Variants in CHEK1 observed in about 807,000 individuals in gnomAD.
CHEK1 encodes the protein serine/threonine-protein kinase Chk1.
Under a neutral mutation model 60.2 loss-of-function variants are expected in CHEK1, and 32 were observed. That is an observed-to-expected ratio of 0.53 (90% CI 0.40 to 0.71). CHEK1 has a LOEUF of 0.71. CHEK1 is among the 30% of genes least tolerant of loss of function. The pLI, the probability that CHEK1 is intolerant of heterozygous loss-of-function variation, is 0.00. For synonymous variants in CHEK1, 179 were observed against 187.2 expected (o/e 0.96, Z 0.36); for missense variants, 399 against 564.6 (o/e 0.71, Z 2.97).
chr11:125,635,525 C>T lies in CHEK1; in HGVS notation c.710C>T (p.Ala237Val). The T allele has an allele frequency of 6.3e-7, 1 of 1,594,710 alleles. No individual in the cohort carries two copies. Among genetic ancestry groups the T allele is most frequent in the Non-Finnish European group, 8.6e-7 (1 of 1,168,592 alleles). ...YLNPWKKIDSAPLALLHKILV... is the reference protein window; with the variant it reads ...YLNPWKKIDSVPLALLHKILV... ...AACCCTTGGAAAAAAATCGATTCTG[C>T]TCCTCTAGGTAACTGAATTATCTTG... Residue 237 changes from alanine (A) to valine (V), a missense_variant, in exon 7 of 13, where the codon GCT becomes GTT. Physicochemically the swap from Ala to Val is moderately conservative, Grantham distance 64. This residue lies in a region of CHEK1 where 370 missense variants were observed against 494.8 expected (regional missense o/e 0.75). Coordinates refer to ENST00000438015, the MANE Select transcript of CHEK1 (RefSeq NM_001114122.3).
At chr11:125,634,293 T>A (rs1014899092) in intron 6 of CHEK1, among the ~76,000 whole-genome samples, 21 of 151,526 alleles carry the variant, frequency 1.4e-4, no homozygotes, top group Admixed American at 6.6e-4. Flanking sequence ...AATGACCAGA[T>A]GTTGTGAGAT....
intron 10 of CHEK1, 97 bp from the exon 11 acceptor site, chr11:125,644,415 C>A: frequency 6.7e-7 from 1 of 1,501,358 alleles, no homozygotes; most frequent in Admixed American, 2.2e-5. Flanking sequence ...GGAGGGAGGC[C>A]TTCATGCAAA....
chr11:125,631,102 G>T (rs938230232), intron 5 of CHEK1, among the ~76,000 whole-genome samples: 2 of 152,134 alleles, frequency 1.3e-5, no homozygotes, highest in African/African-American at 2.4e-5. Context: ...AAAAGCAAGG[G>T]TATAATAAAA....
intron 8 of CHEK1, chr11:125,643,503 A>G (rs960500789): frequency 9.3e-6 from 2 of 214,652 alleles, no homozygotes; most frequent in African/African-American, 4.6e-5. Flanking sequence ...AAAAAAAGAA[A>G]AAAAAAAAGA....
Position 125,625,833 on chromosome 11 carries a change from G to A in CHEK1, c.-200G>A, listed in dbSNP as rs1182388220. ...CTGCAAAGCAGCCCTGGGCGGGAGC[G>A]GCAACATCTCCACGTCACCCTTTTG... On this transcript the variant is annotated 5_prime_UTR_variant, in exon 1 of 13. Transcript: ENST00000438015. 1.4e-6 allele frequency: 1 copy of A among 702,480 alleles called. No homozygotes were observed. The highest frequency in any genetic ancestry group is 1.7e-5 in the African/African-American group (1 of 57,280). 43.5% of individuals were successfully genotyped at this position (702,480 alleles called of 1,614,324 possible).
At chr11:125,677,699 C>G, downstream of CHEK1, 1 of 1,498,284 alleles carries the variant, frequency 6.7e-7, no homozygotes, top group Non-Finnish European at 9.1e-7. Context: ...GTTAACAATT[C>G]TTTCTTCTGC....
chr11:125,645,072 A>G (rs1483167151), intron 11 of CHEK1, among the ~76,000 whole-genome samples: 1 of 152,242 alleles, frequency 6.6e-6, no homozygotes, highest in Non-Finnish European at 1.5e-5. Context: ...CTATTTAAGT[A>G]AAATGTTCTT....
chr11:125,667,866 C>T (rs902495454), intron 13 of CHEK1, among the ~76,000 whole-genome samples: 5 of 152,104 alleles, frequency 3.3e-5, no homozygotes, highest in African/African-American at 4.8e-5. Context: ...AATGATCCAC[C>T]CACATCAGCC....
chr11:125,660,779 G>A (rs999750175), downstream of CHEK1, among the ~76,000 whole-genome samples: 1 of 151,400 alleles, frequency 6.6e-6, no homozygotes, highest in Non-Finnish European at 1.5e-5. Context: ...AAGTTTGCAT[G>A]GCATAACTTT....
At chr11:125,661,826 A>G (rs1263487597), downstream of CHEK1, among the ~76,000 whole-genome samples, 1 of 152,154 alleles carries the variant, frequency 6.6e-6, no homozygotes, top group Non-Finnish European at 1.5e-5. Context: ...ATGTGTTTCT[A>G]TGTGAATATA....
intron 13 of CHEK1, among the ~76,000 whole-genome samples, chr11:125,674,715 A>G (rs1942400242): frequency 6.6e-6 from 1 of 152,244 alleles, no homozygotes; most frequent in African/African-American, 2.4e-5. Flanking sequence ...TTTTCCTAGT[A>G]ACAGGTCTTT....
At chr11:125,626,060 T>A in intron 1 of CHEK1, 48 bp downstream of exon 1, 1 of 684,622 alleles carries the variant, frequency 1.5e-6, no homozygotes, top group African/African-American at 1.8e-5. Flanking sequence ...AAAGAAGGAG[T>A]TCGGGGTCTA....
intron 11 of CHEK1, among the ~76,000 whole-genome samples, chr11:125,651,284 CTCT>C (rs762772104): frequency 1.5e-5 from 2 of 133,188 alleles, no homozygotes; most frequent in Admixed American, 7.7e-5. Flanking sequence ...AAAGACAAGC[CTCT>C]TTTTTTTTTT....
chr11:125,675,051 G>A (rs1314681002), intron 13 of CHEK1, among the ~76,000 whole-genome samples: 1 of 152,056 alleles, frequency 6.6e-6, no homozygotes, highest in Non-Finnish European at 1.5e-5. Context: ...ACTGCACATC[G>A]GAATTGTCTA....
At chr11:125,659,020 AT>A (rs1941967614), downstream of CHEK1, among the ~76,000 whole-genome samples, 1 of 152,046 alleles carries the variant, frequency 6.6e-6, no homozygotes, top group Admixed American at 6.6e-5. Context: ...TCTATAATTC[AT>A]CTGAAATTGG....
At chr11:125,629,190 G>A in intron 3 of CHEK1, 42 bp from the exon 4 acceptor site, 1 of 1,588,312 alleles carries the variant, frequency 6.3e-7, no homozygotes, top group Non-Finnish European at 8.6e-7. Flanking sequence ...GTTGCTACCT[G>A]ATTATATTTA....
chr11:125,652,061 G>T (rs1321872656), intron 11 of CHEK1, among the ~76,000 whole-genome samples: 1 of 152,202 alleles, frequency 6.6e-6, no homozygotes, highest in Non-Finnish European at 1.5e-5. Flanking sequence ...GGTTATTTCA[G>T]TGCTGCACAG....
rs2135972101 is a variant in CHEK1 at position 125,627,650 on chromosome 11, G to A, written c.109G>A (p.Val37Met). The A allele has an allele frequency of 6.2e-7, 1 of 1,613,942 alleles. No homozygotes were observed. The change falls in exon 3 of 13, where the codon GTG becomes ATG. Residue 37 changes from valine (V) to methionine (M), a missense_variant. This residue lies in a region of CHEK1 where 370 missense variants were observed against 494.8 expected (regional missense o/e 0.75). Transcript: ENST00000438015. ...VNRVTEEAVA[V>M]KIVDMKRAVD... ...TAGAGTAACTGAAGAAGCAGTCGCA[G>A]TGAAGATTGTAGATATGAAGCGTGC...
chr11:125,634,956 T>G (rs965824804), intron 6 of CHEK1, among the ~76,000 whole-genome samples: 4 of 131,026 alleles, frequency 3.1e-5, no homozygotes, highest in South Asian at 2.4e-4. Flanking sequence ...ATTCATCTGT[T>G]TTTTGGTTTT....
Sources: gnomAD v4.1 joint callset for allele counts (sites outside exome capture counted in the v4.1 genomes callset) on GRCh38, gnomAD v4.1.1 for gene constraint, gnomAD v4.1.1 regional missense constraint, MANE v1.5 for transcripts, NCBI Gene and HGNC (gene_info 2026-07-23, HGNC 2026-07-21) for gene names.